The following ADGRE3 variants were observed in gnomAD, a reference collection of about 807,000 sequenced individuals.
The protein encoded by ADGRE3 is adhesion G protein-coupled receptor E3, also known as EGF-like module receptor 3.
Under a neutral mutation model 80.1 loss-of-function variants are expected in ADGRE3, and 88 were observed. The observed-to-expected ratio is 1.10, with a 90% confidence interval of 0.93 to 1.31. ADGRE3 has a LOEUF of 1.31. Ranked by LOEUF, ADGRE3 falls within the 40% of genes most tolerant of loss-of-function variation. The pLI, the probability that ADGRE3 is intolerant of heterozygous loss-of-function variation, is 0.00. For synonymous variants in ADGRE3, 281 were observed against 294.8 expected, an observed-to-expected ratio of 0.95 and a Z score of 0.48; for missense variants, 715 against 776.5, an observed-to-expected ratio of 0.92 and a Z score of 0.94.
intron 15 of ADGRE3, among the ~76,000 whole-genome samples, chr19:14,624,171 T>C (rs1024058424): frequency 3.3e-5 from 5 of 151,542 alleles, no homozygotes; most frequent in Non-Finnish European, 7.4e-5. Context: ...CTCGGCTCAC[T>C]GCAACCTCTG....
At position 14,644,130 on chromosome 19, in the gene ADGRE3, A is replaced by G; in HGVS notation, c.1028T>C (p.Val343Ala). 1 of 1,570,284 alleles carries G rather than the reference A, an allele frequency of 6.4e-7. No individual in the cohort carries two copies. Among genetic ancestry groups the G allele is most frequent in the Non-Finnish European group, 8.6e-7 (1 of 1,159,952 alleles). The change falls in exon 9 of 16, where the codon GTC becomes GCC. Residue 343 changes from valine to alanine, a missense_variant. Transcript: ENST00000253673. ...CNCSHLSSFA[V>A]LMALTSQEED... ...TACCTGGCTGGTCAGGGCCATCAGGACAGCGAAGCTGGACAGGTGACTGCA... is the reference window on the plus strand; with the variant it reads ...TACCTGGCTGGTCAGGGCCATCAGGGCAGCGAAGCTGGACAGGTGACTGCA...
At chr19:14,663,770 C>T (rs909851182) in intron 2 of ADGRE3, among the ~76,000 whole-genome samples, 8 of 151,538 alleles carry the variant, frequency 5.3e-5, no homozygotes, top group Non-Finnish European at 1.0e-4. Context: ...ACCTGTGAGG[C>T]GGAGATTGCA....
At chr19:14,659,822 G>GAAAAAAAAAAAAA (rs66908687) in intron 4 of ADGRE3, among the ~76,000 whole-genome samples, 1,334 of 44,628 alleles carry the variant, frequency 0.03, 231 homozygotes, top group African/African-American at 0.034. Flanking sequence ...CTCTGCCTCT[G>GAAAAAAAAAAAAA]AAAAAAAAAA....
At chr19:14,633,171 C>T in intron 12 of ADGRE3, 65 bp downstream of exon 12, 1 of 1,451,658 alleles carries the variant, frequency 6.9e-7, no homozygotes, top group Non-Finnish European at 9.6e-7. Context: ...GCCCCTTGTA[C>T]CATCTTGTAC....
At chr19:14,618,855 A>AACAAAAC (rs1555752565), downstream of ADGRE3, among the ~76,000 whole-genome samples, 3 of 149,562 alleles carry the variant, frequency 2.0e-5, no homozygotes, top group African/African-American at 5.0e-5. Context: ...TCAAAAAAAA[A>AACAAAAC]AAAAAAAAAA....
At chr19:14,629,213 T>C (rs7250350) in intron 14 of ADGRE3, among the ~76,000 whole-genome samples, 75,551 of 152,100 alleles carry the variant, frequency 0.5, 19,131 homozygotes, top group Non-Finnish European at 0.53. Context: ...CGTGAGCCAC[T>C]GCACCCTGCC....
In ADGRE3 at chr19:14,636,008, T is replaced by TC. The variant is rs1971031136; in HGVS notation, c.1484+2096dup. ...GCTCTCCTTTCTCTCTCTTTCTCTT[T>TC]CTTTCTTCCTTCCTTCCTTCCTTCC... On this transcript the variant is annotated intron_variant, in intron 11 of 15. Transcript: ENST00000253673. Among the ~76,000 whole-genome samples, 8 of 76,104 alleles carry TC rather than the reference T, an allele frequency of 1.1e-4. 1 individual carries two copies. The highest frequency in any genetic ancestry group is 1.6e-4 in the Non-Finnish European group (6 of 36,962). 49.9% of individuals were successfully genotyped at this position (76,104 alleles called of 152,430 possible).
intron 7 of ADGRE3, among the ~76,000 whole-genome samples, chr19:14,649,094 C>T (rs1448218170): frequency 6.7e-6 from 1 of 150,292 alleles, no homozygotes; most frequent in African/African-American, 2.5e-5. Context: ...CTCTTTCCAT[C>T]TTTCTCCCCA....
Position 14,636,007 on chromosome 19 carries a change from T to TCC in ADGRE3, c.1484+2097_1484+2098insGG, listed in dbSNP as rs1568480863. Among the ~76,000 whole-genome samples, 78 of 21,690 alleles carry TCC rather than the reference T, an allele frequency of 3.6e-3. 2 individuals carry two copies. The highest frequency in any genetic ancestry group is 4.0e-3 in the Non-Finnish European group (39 of 9,836). 14.2% of individuals were successfully genotyped at this position (21,690 alleles called of 152,430 possible). The stretch of plus-strand genomic sequence containing the variant: ...AGCTCTCCTTTCTCTCTCTTTCTCT[T>TCC]TCTTTCTTCCTTCCTTCCTTCCTTC... On this transcript the variant is annotated intron_variant, in intron 11 of 15. Transcript: ENST00000253673.
rs1202895389 is a variant in ADGRE3, at chr19:14,663,166, C to G, written c.199+252G>C. On this transcript the variant is annotated intron_variant, in intron 3 of 15. Coordinates refer to ENST00000253673, the MANE Select transcript of ADGRE3 (RefSeq NM_032571.5). ...TATAAGCGCCCCACACCATGCCCGG[C>G]AAATTTTTGTATTTTTAGTAGAGAT... Among the ~76,000 whole-genome samples the G allele has an allele frequency of 2.0e-5, 3 of 151,892 alleles. No homozygotes were observed. In the East Asian group the frequency reaches 5.8e-4, roughly 29 times the overall value.
At chr19:14,630,490 C>A (rs907032268) in intron 13 of ADGRE3, among the ~76,000 whole-genome samples, 1 of 152,006 alleles carries the variant, frequency 6.6e-6, no homozygotes, top group African/African-American at 2.4e-5. Context: ...CTCACTGCAA[C>A]CTCCACCTCC....
chr19:14,669,169 C>T, intron 1 of ADGRE3, among the ~76,000 whole-genome samples: 1 of 152,086 alleles, frequency 6.6e-6, no homozygotes, highest in Non-Finnish European at 1.5e-5. Context: ...CCTAAGTGTC[C>T]ACCAACAGTT....
chr19:14,671,736 A>C (rs1171692246), intron 1 of ADGRE3, among the ~76,000 whole-genome samples: 2 of 152,120 alleles, frequency 1.3e-5, no homozygotes, highest in South Asian at 4.1e-4. Flanking sequence ...AGCTGGGCTT[A>C]ATGTCAGGCT....
chr19:14,617,375 T>TA (rs1201555130), downstream of ADGRE3, among the ~76,000 whole-genome samples: 1 of 121,122 alleles, frequency 8.3e-6, no homozygotes, highest in African/African-American at 3.3e-5. Context: ...TCTTTCTTTC[T>TA]TCCTTTCTTT....
intron 10 of ADGRE3, among the ~76,000 whole-genome samples, chr19:14,640,801 T>C (rs917292631): frequency 3.9e-5 from 6 of 152,158 alleles, no homozygotes; most frequent in South Asian, 2.1e-4. Flanking sequence ...GGAAATAAAT[T>C]TCACGAGATC....
intron 3 of ADGRE3, among the ~76,000 whole-genome samples, chr19:14,663,119 C>T (rs2146897435): frequency 1.3e-5 from 2 of 152,120 alleles, no homozygotes; most frequent in South Asian, 4.2e-4. Flanking sequence ...TCTCATGCCT[C>T]AGCCTCTTGA....
intron 15 of ADGRE3, among the ~76,000 whole-genome samples, chr19:14,620,568 A>ATATATATATATATATATATAT (rs1435435269): frequency 9.0e-5 from 1 of 11,060 alleles, no homozygotes; most frequent in African/African-American, 4.1e-4. Flanking sequence ...ATATATATAT[A>ATATATATATATATATATATAT]TTTTTTTTTT....
intron 6 of ADGRE3, among the ~76,000 whole-genome samples, chr19:14,654,687 A>G (rs1394557519): frequency 6.6e-6 from 1 of 152,112 alleles, no homozygotes; most frequent in African/African-American, 2.4e-5. Flanking sequence ...AAAGTGTACA[A>G]TCTGGTGAGT....
In ADGRE3 at chr19:14,630,053, G is replaced by A. The variant is rs1345628420; in HGVS notation, c.1798C>T (p.Leu600Phe). 2 of 1,607,290 alleles carry A rather than the reference G, an allele frequency of 1.2e-6. No homozygotes were observed. The highest frequency in any genetic ancestry group is 1.7e-6 in the Non-Finnish European group (2 of 1,176,640). ...QGFFIFLVYC[L>F]LSQQVQKQYQ... ...TCAGTGTTTACCTGCTGGCTGAGGAGGCAGTAGACCAAGAAGATGAAGAAG... is the reference window on the plus strand; with the variant it reads ...TCAGTGTTTACCTGCTGGCTGAGGAAGCAGTAGACCAAGAAGATGAAGAAG... The change falls in exon 14 of 16, where the codon CTC (leucine) becomes TTC (phenylalanine). Residue 600 changes from leucine (L) to phenylalanine (F), a missense_variant. Leu to Phe is a conservative substitution (Grantham distance 22). Coordinates refer to ENST00000253673, the MANE Select transcript of ADGRE3 (RefSeq NM_032571.5).
Sources: gnomAD v4.1 joint callset for allele counts (sites outside exome capture counted in the v4.1 genomes callset) on GRCh38, gnomAD v4.1.1 for gene constraint, MANE v1.5 for transcripts, NCBI Gene and HGNC (gene_info 2026-07-23, HGNC 2026-07-21) for gene names.